Variants in SENP7 observed in about 807,000 individuals in gnomAD.
The protein encoded by SENP7 is sentrin-specific protease 7.
In SENP7, 64 loss-of-function variants were observed where a neutral mutation model predicts 141.2. The observed-to-expected ratio is 0.45, with a 90% confidence interval of 0.37 to 0.56. The LOEUF (loss-of-function observed/expected upper bound fraction) is 0.56. Among genes scored for constraint, SENP7 ranks in the 20% least tolerant of loss-of-function variants. The pLI, the probability that SENP7 is intolerant of heterozygous loss-of-function variation, is 0.00. For synonymous variants in SENP7, 382 were observed against 426.4 expected (o/e 0.90, Z 1.28); for missense variants, 1,025 against 1,212.2 (o/e 0.85, Z 2.29).
At chr3:101,373,065 G>C (rs2060225189) in intron 6 of SENP7, among the ~76,000 whole-genome samples, 1 of 151,780 alleles carries the variant, frequency 6.6e-6, no homozygotes, top group Admixed American at 6.6e-5. Context: ...TTATTTGGAA[G>C]GCTAAAAATG....
At chr3:101,437,217 G>A (rs1210910677) in intron 4 of SENP7, among the ~76,000 whole-genome samples, 2 of 152,170 alleles carry the variant, frequency 1.3e-5, no homozygotes, top group Admixed American at 1.3e-4. Flanking sequence ...GTTACCAAAG[G>A]CTGGGAAGAG....
chr3:101,489,455 G>C (rs2064869663), intron 3 of SENP7, among the ~76,000 whole-genome samples: 1 of 132,020 alleles, frequency 7.6e-6, no homozygotes, highest in South Asian at 2.6e-4. Context: ...AAAGTAAAGG[G>C]AAAGAGACAG....
intron 11 of SENP7, among the ~76,000 whole-genome samples, chr3:101,353,892 A>G (rs1348590752): frequency 6.6e-6 from 1 of 152,026 alleles, no homozygotes; most frequent in Non-Finnish European, 1.5e-5. Flanking sequence ...AACACATAGT[A>G]GGTAGTCACT....
chr3:101,444,917 TAA>T (rs2062832716), intron 4 of SENP7, among the ~76,000 whole-genome samples: 1 of 150,790 alleles, frequency 6.6e-6, no homozygotes, highest in South Asian at 2.1e-4. Flanking sequence ...AATAAATAAA[TAA>T]AAATAATAAT....
chr3:101,380,448 C>CACAA (rs765027952), intron 6 of SENP7, among the ~76,000 whole-genome samples: 1 of 126,218 alleles, frequency 7.9e-6, no homozygotes, highest in Non-Finnish European at 1.7e-5. Context: ...CCCCCCCCCA[C>CACAA]ACACACACAC....
intron 4 of SENP7, among the ~76,000 whole-genome samples, chr3:101,419,325 T>A (rs1195744342): frequency 6.6e-6 from 1 of 152,232 alleles, no homozygotes; most frequent in Non-Finnish European, 1.5e-5. Context: ...TGTGAGACTT[T>A]ATGTCAACAA....
intron 4 of SENP7, among the ~76,000 whole-genome samples, chr3:101,454,942 T>G (rs1314796169): frequency 6.6e-6 from 1 of 152,214 alleles, no homozygotes; most frequent in African/African-American, 2.4e-5. Flanking sequence ...ATTCTGTAAA[T>G]ATACTAAAAA....
chr3:101,450,667 A>G (rs1478256180), intron 4 of SENP7, among the ~76,000 whole-genome samples: 1 of 152,230 alleles, frequency 6.6e-6, no homozygotes. Flanking sequence ...GAAACCAACG[A>G]GGACAAAGAC....
intron 4 of SENP7, among the ~76,000 whole-genome samples, chr3:101,454,014 AAG>A (rs1194713602): frequency 2.6e-5 from 4 of 152,210 alleles, no homozygotes; most frequent in Non-Finnish European, 5.9e-5. Flanking sequence ...AAAGAAAAGA[AAG>A]AGAGAGGAAA....
At chr3:101,504,953 AG>A (rs1455053456) in intron 1 of SENP7, among the ~76,000 whole-genome samples, 1 of 152,142 alleles carries the variant, frequency 6.6e-6, no homozygotes, top group East Asian at 1.9e-4. Context: ...CAGGAGGTCA[AG>A]GCTGCAGTGA....
At chr3:101,415,150 T>C (rs1262428273) in intron 5 of SENP7, among the ~76,000 whole-genome samples, 2 of 152,220 alleles carry the variant, frequency 1.3e-5, no homozygotes, top group African/African-American at 2.4e-5. Context: ...CTTGGTTTTG[T>C]GTAATTTATA....
chr3:101,419,654 A>G (rs1410165291), intron 4 of SENP7, among the ~76,000 whole-genome samples: 1 of 152,172 alleles, frequency 6.6e-6, no homozygotes, highest in African/African-American at 2.4e-5. Context: ...GTTTTTAGTC[A>G]GTTACTGGTT....
intron 3 of SENP7, among the ~76,000 whole-genome samples, chr3:101,463,416 T>TATATATAC (rs1175438899): frequency 8.6e-6 from 1 of 116,504 alleles, no homozygotes; most frequent in Non-Finnish European, 1.7e-5. Flanking sequence ...TATATATATA[T>TATATATAC]ACACACACAT....
intron 5 of SENP7, among the ~76,000 whole-genome samples, chr3:101,416,836 T>C (rs1054454396): frequency 6.6e-6 from 1 of 152,212 alleles, no homozygotes; most frequent in South Asian, 2.1e-4. Flanking sequence ...TCATTCAGAT[T>C]ACAGACCATA....
intron 3 of SENP7, among the ~76,000 whole-genome samples, chr3:101,491,920 C>T (rs1205611076): frequency 6.6e-6 from 1 of 152,128 alleles, no homozygotes; most frequent in East Asian, 1.9e-4. Context: ...GGAGAAACCA[C>T]ACCTCTACTA....
At chr3:101,355,677 T>C (rs371908027) in intron 11 of SENP7, among the ~76,000 whole-genome samples, 1 of 152,212 alleles carries the variant, frequency 6.6e-6, no homozygotes, top group Non-Finnish European at 1.5e-5. Flanking sequence ...TTGCTTAGGA[T>C]TGCCTTGGCA....
At chr3:101,327,202 T>C (rs1054608656) in intron 23 of SENP7, among the ~76,000 whole-genome samples, 7 of 152,228 alleles carry the variant, frequency 4.6e-5, no homozygotes, top group South Asian at 4.1e-4. Flanking sequence ...ACCTGTAACA[T>C]GTGCCTGCCT....
chr3:101,338,183 A>T (rs1048285551), intron 16 of SENP7, among the ~76,000 whole-genome samples: 4 of 152,012 alleles, frequency 2.6e-5, no homozygotes, highest in Non-Finnish European at 4.4e-5. Flanking sequence ...AAAAACTTTT[A>T]AAAATTCCTA....
At chr3:101,470,396 AC>A (rs2063939629) in intron 3 of SENP7, among the ~76,000 whole-genome samples, 1 of 152,238 alleles carries the variant, frequency 6.6e-6, no homozygotes, top group Admixed American at 6.5e-5. Flanking sequence ...AGAAACAATG[AC>A]AAAAACCACG....
Sources: gnomAD v4.1 joint callset for allele counts (sites outside exome capture counted in the v4.1 genomes callset) on GRCh38, gnomAD v4.1.1 for gene constraint, MANE v1.5 for transcripts, NCBI Gene and HGNC (gene_info 2026-07-23, HGNC 2026-07-21) for gene names.